Variants in MECOM observed in about 807,000 individuals in gnomAD.
The protein encoded by MECOM is MDS1 and EVI1 complex locus.
Under a neutral mutation model 116.3 loss-of-function variants are expected in MECOM, and 13 were observed. The ratio of observed to expected loss-of-function variants is 0.11; its 90% CI spans 0.07 to 0.18. MECOM has a LOEUF of 0.18. Ranked by LOEUF, MECOM falls within the 10% of genes least tolerant of loss-of-function variation. The pLI is 1.00. For missense variants in MECOM, 1,299 were observed against 1,509.0 expected (o/e 0.86, Z 2.31); for synonymous variants, 528 against 535.2 (o/e 0.99, Z 0.19).
chr3:169,498,954 A>G (rs548735770), intron 1 of MECOM, among the ~76,000 whole-genome samples: 151 of 152,308 alleles, frequency 9.9e-4, no homozygotes, highest in African/African-American at 3.5e-3. Flanking sequence ...AAAAAATTCA[A>G]CACATGGTCT....
intron 1 of MECOM, among the ~76,000 whole-genome samples, chr3:169,557,666 A>G (rs1576866672): frequency 1.3e-5 from 2 of 152,230 alleles, no homozygotes; most frequent in African/African-American, 4.8e-5. Flanking sequence ...CCATTTGCAT[A>G]TCACTAACAA....
chr3:169,502,250 T>A (rs945813359), intron 1 of MECOM, among the ~76,000 whole-genome samples: 2 of 152,076 alleles, frequency 1.3e-5, no homozygotes, highest in African/African-American at 2.4e-5. Flanking sequence ...CTCATTGGAG[T>A]CCTTTCTGTG....
chr3:169,186,855 TACG>T (rs1346013055), intron 2 of MECOM, among the ~76,000 whole-genome samples: 1 of 152,090 alleles, frequency 6.6e-6, no homozygotes, highest in East Asian at 1.9e-4. Flanking sequence ...CAGTCGTCTT[TACG>T]TAGGTTAGTC....
At chr3:169,122,817 A>T in intron 5 of MECOM, 90 bp from the exon 6 acceptor site, 1 of 1,452,296 alleles carries the variant, frequency 6.9e-7, no homozygotes. Context: ...TAATTAAAGA[A>T]ACAAGAAGGA....
intron 2 of MECOM, among the ~76,000 whole-genome samples, chr3:169,306,012 T>A (rs1246282625): frequency 1.3e-5 from 2 of 152,192 alleles, no homozygotes; most frequent in Non-Finnish European, 2.9e-5. Flanking sequence ...AAGATTTTCC[T>A]TTTATAAGTA....
intron 2 of MECOM, among the ~76,000 whole-genome samples, chr3:169,170,095 TG>T (rs1393947539): frequency 6.6e-6 from 1 of 152,146 alleles, no homozygotes; most frequent in African/African-American, 2.4e-5. Context: ...TCATTAAAAC[TG>T]TCTGTTCTAA....
intron 2 of MECOM, among the ~76,000 whole-genome samples, chr3:169,148,122 T>C (rs1740466163): frequency 6.6e-6 from 1 of 152,178 alleles, no homozygotes; most frequent in Admixed American, 6.5e-5. Flanking sequence ...ATATTTTTCT[T>C]TAAAGATATT....
At chr3:169,277,886 C>G (rs1352705965) in intron 2 of MECOM, among the ~76,000 whole-genome samples, 2 of 152,210 alleles carry the variant, frequency 1.3e-5, no homozygotes, top group African/African-American at 4.8e-5. Flanking sequence ...TGCCCCTGTA[C>G]CATCTGCTCC....
At chr3:169,339,120 C>G (rs1321843948) in intron 2 of MECOM, among the ~76,000 whole-genome samples, 2 of 152,070 alleles carry the variant, frequency 1.3e-5, no homozygotes, top group Non-Finnish European at 2.9e-5. Flanking sequence ...TCTACAATGC[C>G]TAAAACACAG....
intron 16 of MECOM, 77 bp downstream of exon 16, chr3:169,088,923 T>C (rs1382196507): frequency 2.2e-5 from 27 of 1,222,634 alleles, no homozygotes; most frequent in Non-Finnish European, 2.8e-5. Context: ...ATAGAATATT[T>C]GCTTTTTGGT....
chr3:169,625,980 T>C (rs1312284704), intron 1 of MECOM, among the ~76,000 whole-genome samples: 2 of 152,254 alleles, frequency 1.3e-5, no homozygotes, highest in Non-Finnish European at 2.9e-5. Context: ...TAAGCTATTA[T>C]TTGGTATGTA....
chr3:169,527,356 C>T lies in MECOM; in HGVS notation c.37+135980G>A, dbSNP rs571074790. Among the ~76,000 whole-genome samples the T allele has an allele frequency of 8.3e-4, 126 of 152,318 alleles. 1 individual carries two copies. Among genetic ancestry groups the T allele is most frequent in the African/African-American group, 2.9e-3 (120 of 41,578 alleles). ...GGACTTCATTAAACTCCATGTATCACTATAGCAGCATGATCTCAACAGTTT... is the reference window on the plus strand; with the variant it reads ...GGACTTCATTAAACTCCATGTATCATTATAGCAGCATGATCTCAACAGTTT... On this transcript the variant is annotated intron_variant, in intron 1 of 16. Coordinates refer to ENST00000651503, the MANE Select transcript of MECOM (RefSeq NM_004991.4).
intron 3 of MECOM, among the ~76,000 whole-genome samples, chr3:169,138,758 G>C (rs557153463): frequency 5.9e-5 from 9 of 152,050 alleles, no homozygotes; most frequent in African/African-American, 1.9e-4. Flanking sequence ...GTATAAAGAG[G>C]GTAACAAATT....
intron 2 of MECOM, among the ~76,000 whole-genome samples, chr3:169,183,864 T>G (rs1746359426): frequency 6.9e-6 from 1 of 143,994 alleles, no homozygotes; most frequent in Admixed American, 6.9e-5. Context: ...CTTTTTTCTT[T>G]TTTCTCTTTT....
intron 1 of MECOM, among the ~76,000 whole-genome samples, chr3:169,647,266 G>A (rs1034350239): frequency 9.9e-5 from 15 of 152,282 alleles, no homozygotes; most frequent in Admixed American, 2.0e-4. Context: ...TCTCCAGAGC[G>A]CTCATCTCTA....
At chr3:169,212,272 C>A (rs1257412654) in intron 2 of MECOM, among the ~76,000 whole-genome samples, 1 of 151,904 alleles carries the variant, frequency 6.6e-6, no homozygotes, top group Non-Finnish European at 1.5e-5. Context: ...CCAGAGTGAT[C>A]ATTAGACAAC....
intron 16 of MECOM, among the ~76,000 whole-genome samples, chr3:169,088,295 T>C (rs1351925696): frequency 6.6e-6 from 1 of 152,236 alleles, no homozygotes; most frequent in African/African-American, 2.4e-5. Flanking sequence ...ACTTCCTTTA[T>C]TTTGTAACAA....
At chr3:169,102,377 C>T (rs979990718) in intron 10 of MECOM, 151 bp from the exon 11 acceptor site, 1 of 603,090 alleles carries the variant, frequency 1.7e-6, no homozygotes, top group African/African-American at 1.9e-5. Context: ...AAATAAACAA[C>T]AACAGAATTG....
chr3:169,477,105 GTATA>G lies in MECOM; in HGVS notation c.38-95585_38-95582del, dbSNP rs1166256593. The G allele has an allele frequency of 4.8e-3, 285 of 59,500 alleles. 3 individuals carry two copies. Among genetic ancestry groups the G allele is most frequent in the Middle Eastern group, 9.3e-3 (1 of 108 alleles). 3.7% of individuals were successfully genotyped at this position (59,500 alleles called of 1,614,324 possible). On this transcript the variant is annotated intron_variant, in intron 1 of 16. Coordinates refer to ENST00000651503, the MANE Select transcript of MECOM (RefSeq NM_004991.4). ...GATGTGTGTGTGTGTGTGTGTGTGT[GTATA>G]TATATATATATATATATATATATAT...
Sources: gnomAD v4.1 joint callset for allele counts (sites outside exome capture counted in the v4.1 genomes callset) on GRCh38, gnomAD v4.1.1 for gene constraint, MANE v1.5 for transcripts, NCBI Gene and HGNC (gene_info 2026-07-23, HGNC 2026-07-21) for gene names.